Variants in ARFGEF2 observed in about 807,000 individuals in gnomAD.
ARFGEF2 encodes ARF guanine nucleotide exchange factor 2.
Under a neutral mutation model 219.9 loss-of-function variants are expected in ARFGEF2, and 74 were observed. That is an observed-to-expected ratio of 0.34 (90% CI 0.28 to 0.41). ARFGEF2 has a LOEUF of 0.41. ARFGEF2 is among the 10% of genes least tolerant of loss of function. ARFGEF2 has a pLI of 1.00. For synonymous variants in ARFGEF2, 733 were observed against 799.2 expected, an observed-to-expected ratio of 0.92 and a Z score of 1.40; for missense variants, 1,743 against 2,218.3, an observed-to-expected ratio of 0.79 and a Z score of 4.30.
At chr20:48,974,664 T>C (rs1237718136) in intron 12 of ARFGEF2, 102 bp from the exon 13 acceptor site, 1 of 857,222 alleles carries the variant, frequency 1.2e-6, no homozygotes, top group East Asian at 2.7e-5. Context: ...TGACTGTCAG[T>C]GATTTCTTTC....
intron 1 of ARFGEF2, among the ~76,000 whole-genome samples, chr20:48,938,296 C>A (rs1348313952): frequency 6.6e-6 from 1 of 152,212 alleles, no homozygotes; most frequent in Non-Finnish European, 1.5e-5. Context: ...CCACTTTTAG[C>A]CCCTGCAGCT....
chr20:48,966,147 C>A, intron 8 of ARFGEF2, 124 bp downstream of exon 8: 2 of 1,171,540 alleles, frequency 1.7e-6, no homozygotes, highest in Non-Finnish European at 2.5e-6. Context: ...ATTAGTCACA[C>A]AGTCCTGGGC....
chr20:48,990,964 G>A, intron 20 of ARFGEF2, 76 bp from the exon 21 acceptor site: 1 of 1,518,620 alleles, frequency 6.6e-7, no homozygotes, highest in Non-Finnish European at 9.0e-7. Flanking sequence ...GAAGCCCAGT[G>A]TGCCAGCCCT....
chr20:48,957,394 C>A (rs1321508302), intron 6 of ARFGEF2, among the ~76,000 whole-genome samples: 1 of 152,176 alleles, frequency 6.6e-6, no homozygotes, highest in Non-Finnish European at 1.5e-5. Flanking sequence ...TGTTCTCCAG[C>A]TGGCTAGGGA....
chr20:48,930,853 C>A (rs913327539), intron 1 of ARFGEF2, among the ~76,000 whole-genome samples: 6 of 152,252 alleles, frequency 3.9e-5, no homozygotes, highest in African/African-American at 1.4e-4. Context: ...GCCTGAGAAC[C>A]CTCCAGGCCT....
At chr20:49,005,347 G>A in intron 26 of ARFGEF2, 126 bp downstream of exon 26, 1 of 1,167,646 alleles carries the variant, frequency 8.6e-7, no homozygotes. Context: ...AGAATGAATA[G>A]ACTGTGATTC....
At chr20:48,924,323 C>A (rs933269995) in intron 1 of ARFGEF2, among the ~76,000 whole-genome samples, 2 of 151,962 alleles carry the variant, frequency 1.3e-5, no homozygotes, top group Admixed American at 6.6e-5. Flanking sequence ...TCCTGGCTAA[C>A]ACGGTGAAAC....
intron 6 of ARFGEF2, among the ~76,000 whole-genome samples, chr20:48,962,949 T>G (rs2123391609): frequency 6.6e-6 from 1 of 152,168 alleles, no homozygotes; most frequent in East Asian, 1.9e-4. Flanking sequence ...TGGCTCACGC[T>G]TGTAATCCCA....
At chr20:48,994,032 T>C (rs1370570505) in intron 21 of ARFGEF2, among the ~76,000 whole-genome samples, 1 of 152,054 alleles carries the variant, frequency 6.6e-6, no homozygotes, top group African/African-American at 2.4e-5. Context: ...ACAAGAAAGA[T>C]CTCTTTGAGA....
chr20:49,009,679 G>C (rs1040613732), intron 26 of ARFGEF2, among the ~76,000 whole-genome samples: 1 of 152,002 alleles, frequency 6.6e-6, no homozygotes, highest in Non-Finnish European at 1.5e-5. Flanking sequence ...TAATAATTTA[G>C]GTAAACATTG....
At chr20:48,925,134 G>A (rs893231211) in intron 1 of ARFGEF2, among the ~76,000 whole-genome samples, 2 of 152,176 alleles carry the variant, frequency 1.3e-5, no homozygotes, top group African/African-American at 2.4e-5. Flanking sequence ...AATGAAGACA[G>A]GGGTTGTCCT....
intron 11 of ARFGEF2, among the ~76,000 whole-genome samples, chr20:48,972,654 C>T (rs1182249187): frequency 6.6e-6 from 1 of 152,162 alleles, no homozygotes; most frequent in Non-Finnish European, 1.5e-5. Flanking sequence ...CCCAGAAACC[C>T]CCTAATCTCG....
chr20:49,013,802 T>C lies in ARFGEF2; in HGVS notation c.4050-29T>C, dbSNP rs748512551. The C allele has an allele frequency of 2.0e-5, 33 of 1,614,002 alleles. No individual in the cohort carries two copies. The Admixed American group carries it at 4.0e-4, about 20-fold the overall frequency. ...TGTTGTTCTCTTCTCCACCATTCTC[T>C]CTTCTGTGCCTGACTTTGTTTCCTC... On this transcript the variant is annotated intron_variant, in intron 29 of 38. Coordinates refer to ENST00000371917, the MANE Select transcript of ARFGEF2 (RefSeq NM_006420.3).
Position 48,935,937 on chromosome 20 carries a change from CG to C in ARFGEF2, c.122-5251del, listed in dbSNP as rs1316582043. ...TCACTTCCCGCATGGGGCGGCTGGC[CG>C]GGGGGGGGGGCTGACCCCCCTACCT... On this transcript the variant is annotated intron_variant, in intron 1 of 38. Transcript: ENST00000371917. Among the ~76,000 whole-genome samples the C allele has an allele frequency of 5.0e-3, 403 of 81,098 alleles. 5 individuals carry two copies. Among genetic ancestry groups the C allele is most frequent in the African/African-American group, 0.013 (184 of 14,436 alleles). 53.2% of individuals were successfully genotyped at this position (81,098 alleles called of 152,430 possible).
At chr20:48,995,655 T>C in intron 22 of ARFGEF2, 128 bp from the exon 23 acceptor site, 1 of 848,390 alleles carries the variant, frequency 1.2e-6, no homozygotes, top group Non-Finnish European at 2.0e-6. Context: ...GGTTTTTGTT[T>C]CTTTTTTGAA....
At chr20:48,929,857 C>T (rs555690903) in intron 1 of ARFGEF2, among the ~76,000 whole-genome samples, 37 of 152,244 alleles carry the variant, frequency 2.4e-4, no homozygotes, top group Non-Finnish European at 4.3e-4. Flanking sequence ...GCCAAGACCC[C>T]AACATGCAAG....
intron 23 of ARFGEF2, among the ~76,000 whole-genome samples, chr20:48,996,943 A>AT (rs2091394225): frequency 2.6e-5 from 4 of 151,726 alleles, no homozygotes. Flanking sequence ...TCCTTCCCCC[A>AT]TTCCTTAGTC....
chr20:49,019,675 C>T (rs1001837166), intron 34 of ARFGEF2, among the ~76,000 whole-genome samples: 7 of 152,218 alleles, frequency 4.6e-5, no homozygotes, highest in South Asian at 2.1e-4. Context: ...TAGCTGTTTA[C>T]GTGATCTTTT....
chr20:48,986,302 G>A (rs1210770693), intron 16 of ARFGEF2, among the ~76,000 whole-genome samples: 1 of 152,162 alleles, frequency 6.6e-6, no homozygotes, highest in East Asian at 1.9e-4. Flanking sequence ...AAGGAGCAGA[G>A]CCAGGGTTGA....
Sources: allele counts gnomAD v4.1 joint callset (sites outside exome capture counted in the v4.1 genomes callset), GRCh38; gene constraint gnomAD v4.1.1; transcripts MANE v1.5; gene names NCBI Gene and HGNC (gene_info 2026-07-23, HGNC 2026-07-21).